Variants in FAM83F observed in about 807,000 individuals in gnomAD.
FAM83F encodes the protein protein FAM83F.
In FAM83F, 45 loss-of-function variants were observed where a neutral mutation model predicts 42.9. The ratio of observed to expected loss-of-function variants is 1.05; its 90% confidence interval spans 0.83 to 1.35. The LOEUF is 1.35. Ranked by LOEUF, FAM83F falls within the 40% of genes most tolerant of loss-of-function variation. The pLI, the probability that FAM83F is intolerant of heterozygous loss-of-function variation, is 0.00. For synonymous variants in FAM83F, 306 were observed against 298.3 expected, an observed-to-expected ratio of 1.03 and a Z score of -0.27; for missense variants, 617 against 695.9, an observed-to-expected ratio of 0.89 and a Z score of 1.28.
rs1436311240 is a variant in FAM83F, at chr22:40,033,762, T to A, written c.*4197T>A. ...TTCTCCGAAGTGTTTCAATGCACTC[T>A]CTGCCCTGGGTACCTTGGACACAGC... On this transcript the variant is annotated 3_prime_UTR_variant, in exon 5 of 5. Transcript: ENST00000333407. 6.6e-6 allele frequency: 1 copy of A among 152,256 alleles called. No homozygotes were observed. Among genetic ancestry groups the A allele is most frequent in the Non-Finnish European group, 1.5e-5 (1 of 68,054 alleles). The allele number at this position is 152,256 out of a possible 1,614,324, so 9.4% of individuals were successfully genotyped here.
At chr22:40,019,036 A>C in intron 1 of FAM83F, 132 bp from the exon 2 acceptor site, 2 of 1,057,704 alleles carry the variant, frequency 1.9e-6, no homozygotes, top group Non-Finnish European at 2.8e-6. Context: ...GTGGAACTCC[A>C]GGAATGGTAC....
chr22:40,029,055 G>A, intron 4 of FAM83F, among the ~76,000 whole-genome samples: 1 of 150,590 alleles, frequency 6.6e-6, no homozygotes, highest in Admixed American at 6.6e-5. Flanking sequence ...TGTACTAGCT[G>A]GTAGTGAGCG....
intron 1 of FAM83F, among the ~76,000 whole-genome samples, chr22:39,999,431 AC>A (rs1484642224): frequency 6.6e-6 from 1 of 152,126 alleles, no homozygotes; most frequent in African/African-American, 2.4e-5. Context: ...TCAAAGATTG[AC>A]CCTTGACCCC....
Position 40,029,675 on chromosome 22 carries a change from C to T in FAM83F, c.*110C>T. ...AGTTTGCACATCAGACGCCAACTGG[C>T]CTTCTGCCCTGCAGCCTCCGTCCTG... is the stretch of plus-strand genomic sequence containing the variant. On this transcript the variant is annotated 3_prime_UTR_variant, in exon 5 of 5. Coordinates refer to ENST00000333407, the MANE Select transcript of FAM83F (RefSeq NM_138435.4). The T allele has an allele frequency of 1.4e-6, 2 of 1,463,520 alleles. No individual in the cohort carries two copies. Among genetic ancestry groups the T allele is most frequent in the South Asian group, 1.3e-5 (1 of 77,618 alleles). 90.7% of individuals were successfully genotyped at this position (1,463,520 alleles called of 1,614,324 possible).
rs1450866695 is a variant in FAM83F, at chr22:40,029,505, T to C, written c.1454-11T>C. On this transcript the variant is annotated splice_polypyrimidine_tract_variant and intron_variant, in intron 4 of 4. Transcript: ENST00000333407. ...TACATCCTTCCCCGCCTCTGTCCCT[T>C]GCCTCTGCAGGTAAAACAAGTCCCA... is the stretch of plus-strand genomic sequence containing the variant. 1 of 1,610,594 alleles carries C rather than the reference T, an allele frequency of 6.2e-7. No homozygotes were observed. Among genetic ancestry groups the C allele is most frequent in the Non-Finnish European group, 8.5e-7 (1 of 1,178,418 alleles).
rs1393048160 is a variant in FAM83F at position 40,041,346 on chromosome 22, G to A, written c.*11781G>A. 1.3e-5 allele frequency: 2 copies of A among 152,136 alleles called. No homozygotes were observed. Among genetic ancestry groups the A allele is most frequent in the Non-Finnish European group, 2.9e-5 (2 of 68,018 alleles). 9.4% of individuals were successfully genotyped at this position (152,136 alleles called of 1,614,324 possible). ...CAAGTAGCATGCAGAGAGGAAATGA[G>A]AGCAAGCACAAGAGAGCACCCTGGC... On this transcript the variant is annotated 3_prime_UTR_variant, in exon 5 of 5. Transcript: ENST00000333407.
Position 40,032,487 on chromosome 22 carries a change from T to C in FAM83F, c.*2922T>C, listed in dbSNP as rs1459953774. ...TACCCTCTGCCTGTGTAGAACTTTA[T>C]AGAAAGGCTAGGCAAAAAATGAGAC... On this transcript the variant is annotated 3_prime_UTR_variant, in exon 5 of 5. Transcript: ENST00000333407. 3 of 152,014 alleles carry C rather than the reference T, an allele frequency of 2.0e-5. No individual in the cohort carries two copies. Among genetic ancestry groups the C allele is most frequent in the African/African-American group, 7.3e-5 (3 of 41,372 alleles). The allele number at this position is 152,014 out of a possible 1,614,324, so 9.4% of individuals were successfully genotyped here.
chr22:40,001,859 A>T (rs1019447519), intron 1 of FAM83F, among the ~76,000 whole-genome samples: 3 of 151,994 alleles, frequency 2.0e-5, no homozygotes, highest in Admixed American at 1.3e-4. Flanking sequence ...CACCCAGGAG[A>T]TTAGAGGTAG....
chr22:40,018,969 C>T (rs971968280), intron 1 of FAM83F, among the ~76,000 whole-genome samples, 199 bp from the exon 2 acceptor site: 4 of 152,154 alleles, frequency 2.6e-5, no homozygotes, highest in Non-Finnish European at 2.9e-5. Context: ...TACAAGCACA[C>T]GGCCTGCACC....
At position 39,995,090 on chromosome 22, in the gene FAM83F, G is replaced by A. The variant is rs1242357626; in HGVS notation, c.48G>A (p.Glu16=). 2.2e-6 allele frequency: 3 copies of A among 1,354,530 alleles called. No individual in the cohort carries two copies. Among genetic ancestry groups the A allele is most frequent in the African/African-American group, 3.1e-5 (2 of 64,924 alleles). The allele number at this position is 1,354,530 out of a possible 1,614,324, so 83.9% of individuals were successfully genotyped here. A position where few individuals can be genotyped will look rare whatever the true frequency, so the allele number is the denominator to read the frequency against. The change falls in exon 1 of 5, where the codon GAG becomes GAA. Residue 16 remains glutamate, a synonymous_variant. Transcript: ENST00000333407. This position sits in a 1 kb window ranked among gnomAD's most constrained non-coding sequence, Gnocchi z 4.6. The stretch of plus-strand genomic sequence containing the variant: ...GCCTGGACGAGGCGCACGTGAACGA[G>A]AAGGTGACCGAGGCGCAGGCCGCCT... The part of the protein sequence containing the change: ...LNCLDEAHVN[E]KVTEAQAAFY...
Position 40,007,656 on chromosome 22 carries a change from G to A in FAM83F, c.490-11512G>A, listed in dbSNP as rs1423037652. ...TCTCCTCTCCTCTTCTCTCCTCCTC[G>A]TTTCCTCTCCTCTCCTCCTCATTTC... On this transcript the variant is annotated intron_variant, in intron 1 of 4. Transcript: ENST00000333407. Among the ~76,000 whole-genome samples, 13 of 51,044 alleles carry A rather than the reference G, an allele frequency of 2.5e-4. No individual in the cohort carries two copies. In the South Asian group the frequency reaches 3.4e-3, roughly 14 times the overall value. The allele number at this position is 51,044 out of a possible 152,430, so 33.5% of individuals were successfully genotyped here. A position where few individuals can be genotyped will look rare whatever the true frequency, so the allele number is the denominator to read the frequency against.
rs2067651811 is a variant in FAM83F, at chr22:40,041,849, A to T, written c.*12284A>T. On this transcript the variant is annotated 3_prime_UTR_variant, in exon 5 of 5. Coordinates refer to ENST00000333407, the MANE Select transcript of FAM83F (RefSeq NM_138435.4). ...ACAGAATATTAAATATTGAGTTAAT[A>T]TTATATTTACTCAATGTTACTTTTT... 6.6e-6 allele frequency: 1 copy of T among 152,002 alleles called. No individual in the cohort carries two copies. Among genetic ancestry groups the T allele is most frequent in the South Asian group, 2.1e-4 (1 of 4,818 alleles). 9.4% of individuals were successfully genotyped at this position (152,002 alleles called of 1,614,324 possible).
Position 40,021,498 on chromosome 22 carries a change from G to A in FAM83F, c.988G>A (p.Val330Met), listed in dbSNP as rs759158719. 3 of 1,585,106 alleles carry A rather than the reference G, an allele frequency of 1.9e-6. No homozygotes were observed. Among genetic ancestry groups the A allele is most frequent in the East Asian group, 4.5e-5 (2 of 44,290 alleles). Residue 330 changes from valine (V) to methionine (M), a missense_variant, in exon 4 of 5, where the codon GTG becomes ATG. By Grantham distance (21) the Val-to-Met change is conservative (BLOSUM62 1). Transcript: ENST00000333407. The surrounding 1 kb of genome is among the most constrained non-coding windows in gnomAD (Gnocchi z 8.7). ...RKLINPKYAL[V>M]SGCRHPPGEM... ...GCTTATCAACCCCAAGTACGCCTTG[G>A]TGTCAGGCTGCCGCCACCCGCCTGG...
chr22:40,026,195 G>A (rs2067551343), intron 4 of FAM83F, among the ~76,000 whole-genome samples: 2 of 152,150 alleles, frequency 1.3e-5, no homozygotes, highest in South Asian at 4.1e-4. Flanking sequence ...ATCTCCAGAA[G>A]GCTAGGATCG....
chr22:40,015,661 C>T (rs931107776), intron 1 of FAM83F, among the ~76,000 whole-genome samples: 1 of 152,170 alleles, frequency 6.6e-6, no homozygotes, highest in Non-Finnish European at 1.5e-5. Flanking sequence ...TTCTCCTGTT[C>T]CTTTCTCTGG....
chr22:40,040,230 G>A lies in FAM83F; in HGVS notation c.*10665G>A, dbSNP rs539799712. On this transcript the variant is annotated 3_prime_UTR_variant, in exon 5 of 5. Coordinates refer to ENST00000333407, the MANE Select transcript of FAM83F (RefSeq NM_138435.4). ...CCCAGCTGCACTGTGGGGTTCCCAAGTCAGACATCCCAGAGGCAATATAGC... is the reference window on the plus strand; with the variant it reads ...CCCAGCTGCACTGTGGGGTTCCCAAATCAGACATCCCAGAGGCAATATAGC... 1 of 152,356 alleles carries A rather than the reference G, an allele frequency of 6.6e-6. No individual in the cohort carries two copies. The highest frequency in any genetic ancestry group is 2.4e-5 in the African/African-American group (1 of 41,574). The allele number at this position is 152,356 out of a possible 1,614,324, so 9.4% of individuals were successfully genotyped here.
chr22:40,007,245 CCT>C (rs1206165795), intron 1 of FAM83F, among the ~76,000 whole-genome samples: 1 of 112,620 alleles, frequency 8.9e-6, no homozygotes, highest in African/African-American at 3.4e-5. Context: ...CTCCCCTCCT[CCT>C]CTCCTCCTCC....
At position 40,029,499 on chromosome 22, in the gene FAM83F, G is replaced by A. The variant is rs1318150392; in HGVS notation, c.1454-17G>A. ...TTCACTTACATCCTTCCCCGCCTCT[G>A]TCCCTTGCCTCTGCAGGTAAAACAA... On this transcript the variant is annotated splice_polypyrimidine_tract_variant and intron_variant, in intron 4 of 4. Transcript: ENST00000333407. 1.2e-6 allele frequency: 2 copies of A among 1,609,348 alleles called. No individual in the cohort carries two copies. The highest frequency in any genetic ancestry group is 1.7e-6 in the Non-Finnish European group (2 of 1,177,902).
At chr22:40,016,775 T>G (rs1444947205) in intron 1 of FAM83F, among the ~76,000 whole-genome samples, 1 of 152,072 alleles carries the variant, frequency 6.6e-6, no homozygotes, top group Non-Finnish European at 1.5e-5. Context: ...GCAATTCTCC[T>G]GCTTCAGCCT....
Sources: allele counts gnomAD v4.1 joint callset (sites outside exome capture counted in the v4.1 genomes callset), GRCh38; gene constraint gnomAD v4.1.1; non-coding constraint Gnocchi (gnomAD v3.1); transcripts MANE v1.5; gene names NCBI Gene and HGNC (gene_info 2026-07-23, HGNC 2026-07-21).